The following DGKB variants were observed in gnomAD, a reference collection of about 807,000 sequenced individuals.
The protein encoded by DGKB is diacylglycerol kinase beta.
DGKB carries 67 observed loss-of-function variants against 114.3 expected under a neutral mutation model. The ratio of observed to expected loss-of-function variants is 0.59; its 90% confidence interval spans 0.48 to 0.72. DGKB has a LOEUF of 0.72. DGKB is among the 30% of genes least tolerant of loss of function. The pLI is 0.00. For missense variants in DGKB, 907 were observed against 975.2 expected, an observed-to-expected ratio of 0.93 and a Z score of 0.93; for synonymous variants, 398 against 323.1, an observed-to-expected ratio of 1.23 and a Z score of -2.49.
intron 1 of DGKB, among the ~76,000 whole-genome samples, chr7:14,852,494 A>AAAAAAAAAAAAAAAAAAAAAAAAAAAAG (rs1187968977): frequency 3.4e-5 from 5 of 148,638 alleles, no homozygotes; most frequent in East Asian, 1.9e-4. Flanking sequence ...AGTCAAAAAA[A>AAAAAAAAAAAAAAAAAAAAAAAAAAAAG]AAACAGAAAT....
chr7:14,151,800 A>G (rs1204372702), intron 25 of DGKB, among the ~76,000 whole-genome samples: 1 of 152,120 alleles, frequency 6.6e-6, no homozygotes, highest in Non-Finnish European at 1.5e-5. Context: ...GGGAGACCAC[A>G]TGGAGGAAAC....
In DGKB at chr7:14,855,566, G is replaced by A. The variant is rs117431310; in HGVS notation, c.-187-14116C>T. Reference sequence around the variant, plus strand: ...ACACACAATACATACATACCCCCATGCATATGCACACATTTTGTCAGATGC... The same window carrying A: ...ACACACAATACATACATACCCCCATACATATGCACACATTTTGTCAGATGC... On this transcript the variant is annotated intron_variant, in intron 1 of 25. Transcript: ENST00000402815. Among the ~76,000 whole-genome samples, 202 of 151,968 alleles carry A rather than the reference G, an allele frequency of 1.3e-3. 1 individual carries two copies. The highest frequency in any genetic ancestry group is 3.4e-3 in the Middle Eastern group (1 of 294).
chr7:14,726,661 C>G (rs900204329), intron 5 of DGKB, among the ~76,000 whole-genome samples: 6 of 152,210 alleles, frequency 3.9e-5, no homozygotes, highest in Admixed American at 6.5e-5. Flanking sequence ...TGGCCCATGT[C>G]TTGGGCCATC....
intron 23 of DGKB, among the ~76,000 whole-genome samples, chr7:14,206,589 G>A (rs1336833815): frequency 1.3e-5 from 2 of 151,934 alleles, no homozygotes; most frequent in Admixed American, 6.6e-5. Context: ...TTACATAAGG[G>A]ACTGTGGGTC....
intron 2 of DGKB, among the ~76,000 whole-genome samples, chr7:14,786,849 T>A (rs1839972598): frequency 6.6e-6 from 1 of 152,032 alleles, no homozygotes; most frequent in African/African-American, 2.4e-5. Context: ...AGGTGCCCCT[T>A]TGCATGAACA....
At chr7:14,554,622 A>T (rs1003992381) in intron 20 of DGKB, among the ~76,000 whole-genome samples, 1 of 152,146 alleles carries the variant, frequency 6.6e-6, no homozygotes, top group East Asian at 1.9e-4. Flanking sequence ...CCATTACACA[A>T]TATGGATGTG....
intron 1 of DGKB, among the ~76,000 whole-genome samples, chr7:14,924,460 A>G (rs1006897443): frequency 6.6e-6 from 1 of 152,108 alleles, no homozygotes; most frequent in Non-Finnish European, 1.5e-5. Flanking sequence ...CCTCTGTGGT[A>G]CTTTTGTTCT....
At chr7:14,696,422 G>A (rs892594275) in intron 8 of DGKB, among the ~76,000 whole-genome samples, 8 of 150,614 alleles carry the variant, frequency 5.3e-5, no homozygotes, top group African/African-American at 2.0e-4. Flanking sequence ...GTGAACCCGG[G>A]AGGCGGAGCT....
chr7:14,951,164 A>C (rs933488743), intron 1 of DGKB, among the ~76,000 whole-genome samples: 9 of 152,018 alleles, frequency 5.9e-5, no homozygotes, highest in African/African-American at 1.9e-4. Flanking sequence ...TGATAAGACT[A>C]AATTTTTCCT....
chr7:14,863,333 C>A (rs1419438599), intron 1 of DGKB, among the ~76,000 whole-genome samples: 1 of 151,102 alleles, frequency 6.6e-6, no homozygotes, highest in African/African-American at 2.4e-5. Context: ...ATATGTTTCT[C>A]ATTTAGATTT....
chr7:14,746,960 T>C (rs1039117573), intron 4 of DGKB, among the ~76,000 whole-genome samples: 6 of 146,784 alleles, frequency 4.1e-5, no homozygotes, highest in African/African-American at 1.6e-4. Context: ...AAAAAAAAAA[T>C]CTTCCTTTGA....
intron 23 of DGKB, among the ~76,000 whole-genome samples, chr7:14,199,183 A>G (rs1475650607): frequency 6.6e-6 from 1 of 152,078 alleles, no homozygotes; most frequent in Non-Finnish European, 1.5e-5. Flanking sequence ...ATAAAATTAT[A>G]AATTCTGTGG....
At chr7:14,191,900 A>T in intron 23 of DGKB, 1 of 565,664 alleles carries the variant, frequency 1.8e-6, no homozygotes, top group Non-Finnish European at 3.3e-6. Flanking sequence ...GAAGGAAAAG[A>T]TTGATTGCCA....
At chr7:14,602,271 A>C (rs749126492) in intron 17 of DGKB, among the ~76,000 whole-genome samples, 14 of 152,244 alleles carry the variant, frequency 9.2e-5, no homozygotes, top group Non-Finnish European at 1.8e-4. Flanking sequence ...GAAGATATTT[A>C]GATGAGACTC....
At chr7:14,831,736 A>T (rs558787395) in intron 2 of DGKB, among the ~76,000 whole-genome samples, 1 of 152,236 alleles carries the variant, frequency 6.6e-6, no homozygotes, top group Admixed American at 6.6e-5. Context: ...CACAGTTATT[A>T]CAGAAATATT....
chr7:14,364,917 T>C (rs1227640354), intron 21 of DGKB, among the ~76,000 whole-genome samples: 3 of 152,006 alleles, frequency 2.0e-5, no homozygotes, highest in African/African-American at 7.2e-5. Context: ...AAAATTATCA[T>C]ATAGAAGGTC....
Position 14,149,103 on chromosome 7 carries a change from C to G in DGKB, c.*28G>C. On this transcript the variant is annotated 3_prime_UTR_variant, in exon 26 of 26. Transcript: ENST00000402815. Reference sequence around the variant, plus strand: ...GTTCCATGGCCCAATTATGCTAATTCAATTTCTAAGAGTGAAACAACACAG... The same window carrying G: ...GTTCCATGGCCCAATTATGCTAATTGAATTTCTAAGAGTGAAACAACACAG... The G allele has an allele frequency of 1.3e-6, 2 of 1,585,702 alleles. No individual in the cohort carries two copies. Among genetic ancestry groups the G allele is most frequent in the Non-Finnish European group, 1.7e-6 (2 of 1,154,418 alleles).
intron 1 of DGKB, among the ~76,000 whole-genome samples, chr7:14,939,249 A>C (rs1247083527): frequency 6.6e-6 from 1 of 152,156 alleles, no homozygotes; most frequent in African/African-American, 2.4e-5. Flanking sequence ...TATAAGTTCA[A>C]ATTTTGATTT....
intron 25 of DGKB, among the ~76,000 whole-genome samples, chr7:14,167,537 G>A (rs1784786841): frequency 6.6e-6 from 1 of 152,176 alleles, no homozygotes; most frequent in African/African-American, 2.4e-5. Context: ...GGTGGCTTGA[G>A]AAAGCTATCC....
Sources: gnomAD v4.1 joint callset for allele counts (sites outside exome capture counted in the v4.1 genomes callset) on GRCh38, gnomAD v4.1.1 for gene constraint, MANE v1.5 for transcripts, NCBI Gene and HGNC (gene_info 2026-07-23, HGNC 2026-07-21) for gene names.